The following RABGAP1L variants were observed in gnomAD, a reference collection of about 807,000 sequenced individuals.
The protein encoded by RABGAP1L is RAB GTPase activating protein 1 like, also known as rab GTPase-activating protein 1-like.
RABGAP1L carries 63 observed loss-of-function variants against 137.7 expected under a neutral mutation model. The observed-to-expected ratio is 0.46, with a 90% CI of 0.37 to 0.56. The LOEUF (loss-of-function observed/expected upper bound fraction) is 0.56, where lower values mean the gene tolerates loss of function less well. Ranked by LOEUF, RABGAP1L falls within the 20% of genes least tolerant of loss-of-function variation. The pLI, the probability that RABGAP1L is intolerant of heterozygous loss-of-function variation, is 0.00. For missense variants in RABGAP1L, 1,095 were observed against 1,244.0 expected (o/e 0.88, Z 1.80); for synonymous variants, 431 against 433.7 (o/e 0.99, Z 0.08).
intron 3 of RABGAP1L, among the ~76,000 whole-genome samples, chr1:174,225,765 C>T (rs1195281491): frequency 6.6e-6 from 1 of 152,054 alleles, no homozygotes; most frequent in Admixed American, 6.6e-5. Flanking sequence ...AGACAGGTTT[C>T]TTTCTTAGAG....
At chr1:174,562,830 A>T (rs2148022281) in intron 13 of RABGAP1L, among the ~76,000 whole-genome samples, 1 of 152,174 alleles carries the variant, frequency 6.6e-6, no homozygotes, top group Admixed American at 6.5e-5. Context: ...CAGGGAGGAG[A>T]ACATCATACA....
intron 19 of RABGAP1L, among the ~76,000 whole-genome samples, chr1:174,883,693 G>A (rs926237403): frequency 1.8e-4 from 28 of 152,174 alleles, no homozygotes; most frequent in Non-Finnish European, 3.7e-4. Flanking sequence ...GAACTGGCAG[G>A]GCCCACATTG....
intron 19 of RABGAP1L, among the ~76,000 whole-genome samples, chr1:174,863,243 A>AAAAAAAAAAG (rs1182089051): frequency 3.6e-5 from 5 of 140,064 alleles, no homozygotes; most frequent in Non-Finnish European, 8.0e-5. Flanking sequence ...CAAAAAAAAA[A>AAAAAAAAAAG]AAAAAGAAAA....
intron 14 of RABGAP1L, among the ~76,000 whole-genome samples, chr1:174,656,434 G>A (rs1675977509): frequency 1.3e-5 from 2 of 152,124 alleles, no homozygotes; most frequent in African/African-American, 4.8e-5. Flanking sequence ...CTCCAGCCTG[G>A]GCAACAGAGT....
chr1:174,350,488 C>A (rs1431346542), intron 11 of RABGAP1L, among the ~76,000 whole-genome samples: 16 of 73,492 alleles, frequency 2.2e-4, no homozygotes, highest in Non-Finnish European at 4.6e-4. Context: ...ACATCTCAGA[C>A]GATGGGCTGC....
intron 10 of RABGAP1L, among the ~76,000 whole-genome samples, chr1:174,284,733 T>C (rs71643195): frequency 4.6e-5 from 6 of 131,158 alleles, no homozygotes; most frequent in African/African-American, 1.5e-4. Context: ...TTATTTCTTG[T>C]CTTTTTTTTT....
At chr1:174,794,094 C>T (rs560328200) in intron 18 of RABGAP1L, among the ~76,000 whole-genome samples, 1 of 152,166 alleles carries the variant, frequency 6.6e-6, no homozygotes, top group African/African-American at 2.4e-5. Flanking sequence ...GTATTTTGAC[C>T]TGTTTGCTGG....
At chr1:174,500,080 CTTT>C (rs1314254264) in intron 13 of RABGAP1L, among the ~76,000 whole-genome samples, 3 of 135,552 alleles carry the variant, frequency 2.2e-5, no homozygotes, top group Admixed American at 7.4e-5. Flanking sequence ...CAGGCTTCTT[CTTT>C]TTTTTTTTTT....
At chr1:174,612,072 G>GC (rs1222899545) in intron 13 of RABGAP1L, among the ~76,000 whole-genome samples, 2 of 152,116 alleles carry the variant, frequency 1.3e-5, no homozygotes, top group Admixed American at 6.5e-5. Context: ...AATTGCCCTG[G>GC]CCAGAACTTC....
At chr1:174,324,402 A>C (rs1680265630) in intron 11 of RABGAP1L, among the ~76,000 whole-genome samples, 1 of 152,176 alleles carries the variant, frequency 6.6e-6, no homozygotes, top group Non-Finnish European at 1.5e-5. Flanking sequence ...TGATGCCAGC[A>C]AATGAGATAG....
intron 19 of RABGAP1L, among the ~76,000 whole-genome samples, chr1:174,848,900 T>C (rs2148976488): frequency 6.6e-6 from 1 of 150,912 alleles, no homozygotes; most frequent in Admixed American, 6.6e-5. Flanking sequence ...CGTAGGACCC[T>C]CCGAGCCAGG....
rs7543694 is a variant in RABGAP1L, at chr1:174,702,321, G to C, written c.2169+65G>C. ...GTAGTTTCTACTAAAAATGGTTACA[G>C]TTTTCTTCCTTTTGTTTTTGCCTGT... is the stretch of plus-strand genomic sequence containing the variant. On this transcript the variant is annotated intron_variant, in intron 17 of 25. Coordinates refer to ENST00000681986, the MANE Select transcript of RABGAP1L (RefSeq NM_001366446.1). The C allele has an allele frequency of 2.4e-3, 3,248 of 1,381,668 alleles. 70 individuals are homozygous for C. In the African/African-American group the frequency reaches 0.044, roughly 19 times the overall value. The allele number at this position is 1,381,668 out of a possible 1,614,324, so 85.6% of individuals were successfully genotyped here.
chr1:174,312,525 CA>C (rs2148799520), intron 11 of RABGAP1L, among the ~76,000 whole-genome samples: 1 of 152,156 alleles, frequency 6.6e-6, no homozygotes, highest in East Asian at 1.9e-4. Flanking sequence ...AGGTAGTTTA[CA>C]AATATTTTCT....
chr1:174,711,602 G>A (rs1249029237), intron 17 of RABGAP1L, among the ~76,000 whole-genome samples: 10 of 152,180 alleles, frequency 6.6e-5, no homozygotes, highest in Non-Finnish European at 1.5e-4. Flanking sequence ...CACCACGCTC[G>A]AATTCTCGCC....
intron 15 of RABGAP1L, among the ~76,000 whole-genome samples, chr1:174,688,527 G>C (rs1678644029): frequency 6.6e-6 from 1 of 152,024 alleles, no homozygotes; most frequent in Non-Finnish European, 1.5e-5. Context: ...GTCTGATAAA[G>C]ATATGCACAC....
At chr1:174,851,316 C>A (rs1357116273) in intron 19 of RABGAP1L, among the ~76,000 whole-genome samples, 1 of 152,196 alleles carries the variant, frequency 6.6e-6, no homozygotes, top group Non-Finnish European at 1.5e-5. Flanking sequence ...GCCAAAGAAG[C>A]TGCAGAGCCG....
chr1:174,657,240 C>A (rs1442065831), intron 14 of RABGAP1L, among the ~76,000 whole-genome samples: 1 of 152,144 alleles, frequency 6.6e-6, no homozygotes, highest in African/African-American at 2.4e-5. Flanking sequence ...AAATATTTAT[C>A]ATTTCTTTGT....
intron 19 of RABGAP1L, among the ~76,000 whole-genome samples, chr1:174,822,769 G>A (rs115245926): frequency 2.6e-5 from 4 of 152,180 alleles, no homozygotes; most frequent in Admixed American, 2.6e-4. Flanking sequence ...TGTGTGGCCC[G>A]GTTCCTAATG....
At chr1:174,354,539 C>G (rs116141661) in intron 11 of RABGAP1L, among the ~76,000 whole-genome samples, 3 of 152,098 alleles carry the variant, frequency 2.0e-5, no homozygotes, top group African/African-American at 7.2e-5. Flanking sequence ...AATAGATATT[C>G]CTAAGTTACT....
Sources: allele counts gnomAD v4.1 joint callset (sites outside exome capture counted in the v4.1 genomes callset), GRCh38; gene constraint gnomAD v4.1.1; transcripts MANE v1.5; gene names NCBI Gene and HGNC (gene_info 2026-07-23, HGNC 2026-07-21).